ACOX3: variants seen among roughly 807,000 people sequenced by gnomAD.
The protein encoded by ACOX3 is acyl-CoA oxidase 3, pristanoyl.
In ACOX3, 73 loss-of-function variants were observed where a neutral mutation model predicts 81.5. The observed-to-expected ratio is 0.90, with a 90% confidence interval of 0.74 to 1.09. The LOEUF (loss-of-function observed/expected upper bound fraction) is 1.09. ACOX3 is among the 50% of genes least tolerant of loss of function. The pLI is 0.00. For synonymous variants in ACOX3, 387 were observed against 375.1 expected (o/e 1.03, Z -0.37); for missense variants, 947 against 928.0 (o/e 1.02, Z -0.27).
intron 11 of ACOX3, among the ~76,000 whole-genome samples, chr4:8,390,287 T>C (rs1718833524): frequency 6.6e-6 from 1 of 150,982 alleles, no homozygotes; most frequent in Non-Finnish European, 1.5e-5. Context: ...GAGGCAAAAG[T>C]AAGCCATGGT....
intron 1 of ACOX3, among the ~76,000 whole-genome samples, chr4:8,421,651 G>A (rs1351376733): frequency 6.6e-6 from 1 of 152,202 alleles, no homozygotes; most frequent in African/African-American, 2.4e-5. Context: ...CCTCTCCCAA[G>A]TATTAGAGCA....
In ACOX3 at chr4:8,366,839, G is replaced by A. The variant is rs539598120; in HGVS notation, c.*122C>T. The A allele has an allele frequency of 1.0e-4, 147 of 1,407,622 alleles. No homozygotes were observed. The highest frequency in any genetic ancestry group is 2.1e-4 in the East Asian group (9 of 42,134). 87.2% of individuals were successfully genotyped at this position (1,407,622 alleles called of 1,614,324 possible). A position where few individuals can be genotyped will look rare whatever the true frequency, so the allele number is the denominator to read the frequency against. On this transcript the variant is annotated 3_prime_UTR_variant, in exon 18 of 18. Transcript: ENST00000356406. ...GTTGAGGCCAATCAGCAGTTTAGGCGCACAGGTGCGGGCTCAGAAAGCAGC... is the reference window on the plus strand; with the variant it reads ...GTTGAGGCCAATCAGCAGTTTAGGCACACAGGTGCGGGCTCAGAAAGCAGC...
In ACOX3 at chr4:8,382,379, C is replaced by G. The variant is rs912606120; in HGVS notation, c.1538-772G>C. Among the ~76,000 whole-genome samples the G allele has an allele frequency of 2.0e-5, 3 of 152,226 alleles. No individual in the cohort carries two copies. Among genetic ancestry groups the G allele is most frequent in the African/African-American group, 7.2e-5 (3 of 41,458 alleles). ...ACCAGGCATGGTCCTGAGACCCCAC[C>G]AGGCTGTACTGCTACTACCCCACTG... On this transcript the variant is annotated intron_variant, in intron 13 of 17. Coordinates refer to ENST00000356406, the MANE Select transcript of ACOX3 (RefSeq NM_003501.3). This position sits in a 1 kb window ranked among gnomAD's most constrained non-coding sequence, Gnocchi z 4.1.
rs749694442 is a variant in ACOX3 at position 8,415,751 on chromosome 4, A to T, written c.378+15T>A. The T allele has an allele frequency of 6.2e-7, 1 of 1,611,086 alleles. No individual in the cohort carries two copies. Among genetic ancestry groups the T allele is most frequent in the East Asian group, 2.2e-5 (1 of 44,862 alleles). On this transcript the variant is annotated intron_variant, in intron 3 of 17. Transcript: ENST00000356406. ...CATGAAAGCCGTTTCCCTCTCCCCT[A>T]GGCCGCATGCTCACCAAGCTATGGA...
At chr4:8,392,601 A>G in intron 10 of ACOX3, 148 bp from the exon 11 acceptor site, 1 of 933,870 alleles carries the variant, frequency 1.1e-6, no homozygotes, top group Non-Finnish European at 1.5e-6. Flanking sequence ...CCTAATTGTA[A>G]TTAGAAATAA....
rs968142705 is a variant in ACOX3, at chr4:8,384,189, G to A, written c.1538-2582C>T. 1.3e-5 allele frequency among the ~76,000 whole-genome samples: 2 copies of A among 152,204 alleles called. No homozygotes were observed. The highest frequency in any genetic ancestry group is 4.8e-5 in the African/African-American group (2 of 41,454). On this transcript the variant is annotated intron_variant, in intron 13 of 17. Transcript: ENST00000356406. This position sits in a 1 kb window ranked among gnomAD's most constrained non-coding sequence, Gnocchi z 5.3. ...ACTGTGCTGTGGGCTTCAAGTGAGA[G>A]GGACGCTTGAGAAATGAGTTATGTT... is the stretch of plus-strand genomic sequence containing the variant.
rs756214944 is a variant in ACOX3, at chr4:8,381,532, C to T, written c.1613G>A (p.Arg538Lys). Reference protein sequence around the residue: ...ETYQKLNQEKRSGSSDFEARN... With the variant: ...ETYQKLNQEKKSGSSDFEARN... Reference sequence around the variant, plus strand: ...TGCTTCAAAGTCACTGCTTCCTGATCTTTTCTCTTGGTTTAATTTTTGATA... The same window carrying T: ...TGCTTCAAAGTCACTGCTTCCTGATTTTTTCTCTTGGTTTAATTTTTGATA... The change falls in exon 14 of 18, where the codon AGA becomes AAA. Residue 538 changes from arginine to lysine, a missense_variant. Coordinates refer to ENST00000356406, the MANE Select transcript of ACOX3 (RefSeq NM_003501.3). This position sits in a 1 kb window ranked among gnomAD's most constrained non-coding sequence, Gnocchi z 4.3. The T allele has an allele frequency of 1.9e-6, 3 of 1,614,048 alleles. No individual in the cohort carries two copies. Among genetic ancestry groups the T allele is most frequent in the Non-Finnish European group, 2.5e-6 (3 of 1,179,990 alleles).
At position 8,389,112 on chromosome 4, in the gene ACOX3, T is replaced by C; in HGVS notation, c.1537+61A>G. The C allele has an allele frequency of 6.8e-7, 1 of 1,462,116 alleles. No individual in the cohort carries two copies. The highest frequency in any genetic ancestry group is 9.5e-7 in the Non-Finnish European group (1 of 1,049,976). 90.6% of individuals were successfully genotyped at this position (1,462,116 alleles called of 1,614,324 possible). A position where few individuals can be genotyped will look rare whatever the true frequency, so the allele number is the denominator to read the frequency against. On this transcript the variant is annotated intron_variant, in intron 13 of 17. Transcript: ENST00000356406. This position sits in a 1 kb window ranked among gnomAD's most constrained non-coding sequence, Gnocchi z 5.3. ...GGTCCCCTCACCGAGGCACGGTGCG[T>C]TTCCTGGTGGGAATGACAGGAAATC...
intron 1 of ACOX3, chr4:8,439,104 C>G (rs1340432818): frequency 2.0e-5 from 3 of 152,212 alleles, no homozygotes; most frequent in Non-Finnish European, 4.4e-5. Context: ...TCCTATTGTT[C>G]TGTCACTGTA....
At chr4:8,390,082 G>A (rs1354879790) in intron 11 of ACOX3, among the ~76,000 whole-genome samples, 1 of 135,040 alleles carries the variant, frequency 7.4e-6, no homozygotes, top group African/African-American at 3.2e-5. Flanking sequence ...CAGCCCGGGT[G>A]ACAGAGCAAG....
At chr4:8,425,496 G>A (rs570347582) in intron 1 of ACOX3, among the ~76,000 whole-genome samples, 17 of 151,404 alleles carry the variant, frequency 1.1e-4, no homozygotes, top group Middle Eastern at 3.4e-3. Flanking sequence ...CCTATCAGAC[G>A]GCCAAATCAT....
intron 7 of ACOX3, among the ~76,000 whole-genome samples, chr4:8,402,742 C>T (rs896393261): frequency 1.6e-4 from 24 of 152,316 alleles, no homozygotes; most frequent in African/African-American, 5.5e-4. Context: ...TGTGTGTGCA[C>T]AGCACAGGAG....
chr4:8,415,314 G>C (rs915042563), intron 3 of ACOX3, among the ~76,000 whole-genome samples: 12 of 152,212 alleles, frequency 7.9e-5, no homozygotes, highest in Non-Finnish European at 1.5e-4. Flanking sequence ...ATGCAGGCAA[G>C]GCTAAGGGCA....
chr4:8,420,792 C>T (rs1722856893), intron 1 of ACOX3, among the ~76,000 whole-genome samples: 1 of 152,222 alleles, frequency 6.6e-6, no homozygotes, highest in African/African-American at 2.4e-5. Flanking sequence ...CTGACTTCCA[C>T]CCCTCCGGAT....
chr4:8,410,211 C>G lies in ACOX3; in HGVS notation c.687+1G>C. The G allele has an allele frequency of 1.9e-6, 3 of 1,613,756 alleles. No individual in the cohort carries two copies. The highest frequency in any genetic ancestry group is 2.5e-6 in the Non-Finnish European group (3 of 1,179,758). On this transcript the variant is annotated splice_donor_variant, in intron 6 of 17. Coordinates refer to ENST00000356406, the MANE Select transcript of ACOX3 (RefSeq NM_003501.3). LOFTEE classifies it high-confidence loss of function. ...CACTGAGGGCCACCCCAGCGTCCTA[C>G]CTGCACGATAAAGGGATGCAGCCCA...
At chr4:8,380,732 G>A (rs1434923946) in intron 14 of ACOX3, among the ~76,000 whole-genome samples, 1 of 152,214 alleles carries the variant, frequency 6.6e-6, no homozygotes, top group Admixed American at 6.5e-5. Flanking sequence ...GAGAAGGGGT[G>A]ACAGCAGCTC....
rs1722157935 is a variant in ACOX3 at position 8,414,960 on chromosome 4, G to T, written c.379-32C>A. On this transcript the variant is annotated intron_variant, in intron 3 of 17. Transcript: ENST00000356406. The surrounding 1 kb of genome is among the most constrained non-coding windows in gnomAD (Gnocchi z 6.1). Reference sequence around the variant, plus strand: ...GTATAACATCGTCCTATCAACAGGGGGCAGGTAAGAAGAGTACTGCTCTTC... The same window carrying T: ...GTATAACATCGTCCTATCAACAGGGTGCAGGTAAGAAGAGTACTGCTCTTC... 1 of 1,603,228 alleles carries T rather than the reference G, an allele frequency of 6.2e-7. No individual in the cohort carries two copies. The highest frequency in any genetic ancestry group is 1.3e-5 in the African/African-American group (1 of 74,670).
intron 1 of ACOX3, among the ~76,000 whole-genome samples, chr4:8,420,612 G>C (rs575667354): frequency 2.0e-5 from 3 of 152,186 alleles, no homozygotes; most frequent in African/African-American, 4.8e-5. Context: ...CCAGGCATTC[G>C]AGCCAGATCA....
chr4:8,395,427 G>C (rs569931849), intron 9 of ACOX3, among the ~76,000 whole-genome samples: 3 of 151,652 alleles, frequency 2.0e-5, no homozygotes, highest in African/African-American at 7.3e-5. Context: ...TGGGTGGCTG[G>C]GTACATGGCA....
Sources: gnomAD v4.1 joint callset for allele counts (sites outside exome capture counted in the v4.1 genomes callset) on GRCh38, gnomAD v4.1.1 for gene constraint, Gnocchi (gnomAD v3.1) non-coding constraint, MANE v1.5 for transcripts, NCBI Gene and HGNC (gene_info 2026-07-23, HGNC 2026-07-21) for gene names.